Variants in INF2 observed in about 807,000 individuals in gnomAD.
The protein encoded by INF2 is inverted formin 2, also known as inverted formin-2.
In INF2, 43 loss-of-function variants were observed where a neutral mutation model predicts 123.5. The ratio of observed to expected loss-of-function variants is 0.35; its 90% confidence interval spans 0.27 to 0.45. The LOEUF is 0.45. Ranked by LOEUF, INF2 falls within the 20% of genes least tolerant of loss-of-function variation. The pLI is 1.00. For synonymous variants in INF2, 851 were observed against 745.0 expected, an observed-to-expected ratio of 1.14 and a Z score of -2.32; for missense variants, 1,453 against 1,682.7, an observed-to-expected ratio of 0.86 and a Z score of 2.39.
intron 1 of INF2, chr14:104,681,687 C>T (rs1888526576): frequency 7.4e-6 from 7 of 944,710 alleles, no homozygotes; most frequent in South Asian, 7.3e-5. Context: ...GAGGCACAGG[C>T]CCCTGAGGTC....
rs371457852 is a variant in INF2, at chr14:104,715,391, TG to T, written c.*1+55del. The stretch of plus-strand genomic sequence containing the variant: ...GGGGCTAACAGCAGCTGCAGGGCAG[TG>T]GGGCTGGAGCTTGCTGCCCACACCC... On this transcript the variant is annotated intron_variant, in intron 22 of 22. Coordinates refer to ENST00000392634, the MANE Select transcript of INF2 (RefSeq NM_022489.4). 1,467 of 1,532,264 alleles carry T rather than the reference TG, an allele frequency of 9.6e-4. 29 individuals are homozygous for T. In the South Asian group the frequency reaches 0.015, roughly 16 times the overall value. 94.9% of individuals were successfully genotyped at this position (1,532,264 alleles called of 1,614,324 possible).
chr14:104,713,762 T>C (rs1392386365), intron 20 of INF2, among the ~76,000 whole-genome samples, 156 bp downstream of exon 20: 1 of 152,122 alleles, frequency 6.6e-6, no homozygotes, highest in African/African-American at 2.4e-5. Context: ...GGACAGGTGG[T>C]GGCCGCTCAG....
At position 104,718,915 on chromosome 14, in the gene INF2, G is replaced by T. The variant is rs1030978100; in HGVS notation, c.*122G>T. ...ACTGGGCCCCGGAAACCAAAACTCC[G>T]TGCCTTACCCAGCCGGGGCCCTCCT... is the stretch of plus-strand genomic sequence containing the variant. On this transcript the variant is annotated 3_prime_UTR_variant, in exon 23 of 23. Transcript: ENST00000392634. 3 of 1,527,468 alleles carry T rather than the reference G, an allele frequency of 2.0e-6. No homozygotes were observed. The highest frequency in any genetic ancestry group is 2.8e-5 in the African/African-American group (2 of 71,572). 94.6% of individuals were successfully genotyped at this position (1,527,468 alleles called of 1,614,324 possible). A position where few individuals can be genotyped will look rare whatever the true frequency, so the allele number is the denominator to read the frequency against.
intron 1 of INF2, among the ~76,000 whole-genome samples, chr14:104,693,488 A>G (rs1364847389): frequency 6.6e-6 from 1 of 152,162 alleles, no homozygotes; most frequent in East Asian, 1.9e-4. Context: ...CCCAGGGCAC[A>G]GTTGAGGAGG....
rs767711403 is a variant in INF2 at position 104,708,704 on chromosome 14, C to T, written c.1921C>T (p.Leu641Phe). 1.2e-6 allele frequency: 2 copies of T among 1,613,002 alleles called. No homozygotes were observed. The highest frequency in any genetic ancestry group is 1.3e-5 in the African/African-American group (1 of 74,908). ...TFLDAKKSLN[L>F]NIFLKQFKCS... is the part of the protein sequence containing the mutation. The stretch of plus-strand genomic sequence containing the variant: ...CCTCGATGCCAAGAAGAGCCTGAAC[C>T]TCAACATCTTCCTGAAGCAATTTAA... Residue 641 changes from leucine to phenylalanine, a missense_variant, in exon 10 of 23, where the codon CTC becomes TTC. Around this residue, in one of 8 missense-constraint regions of INF2, gnomAD observed 192 missense variants for 274.4 expected, o/e 0.70. Transcript: ENST00000392634.
intron 22 of INF2, chr14:104,715,607 G>A (rs1355503408): frequency 6.7e-6 from 4 of 599,374 alleles, no homozygotes; most frequent in African/African-American, 5.6e-5. Flanking sequence ...CCTCGAGAGG[G>A]CAGGTGGCAG....
chr14:104,708,564 C>CG lies in INF2; in HGVS notation c.1867dup (p.Ala623GlyfsTer27). ...CAAGGAGCCCACCATGGTGGCCCCCCGGGCCAGGAAGGAGCCCAAGGAGGT... is the reference window on the plus strand; with the variant it reads ...CAAGGAGCCCACCATGGTGGCCCCCCGGGGCCAGGAAGGAGCCCAAGGAGGT... On this transcript the variant is annotated frameshift_variant, in exon 9 of 23. Coordinates refer to ENST00000392634, the MANE Select transcript of INF2 (RefSeq NM_022489.4). LOFTEE classifies it high-confidence loss of function. 6.2e-7 allele frequency: 1 copy of CG among 1,612,494 alleles called. No homozygotes were observed. The highest frequency in any genetic ancestry group is 8.5e-7 in the Non-Finnish European group (1 of 1,179,816).
chr14:104,712,450 T>C lies in INF2; in HGVS notation c.2507T>C (p.Ile836Thr), dbSNP rs767351070. The part of the protein sequence containing the change: ...SQAAGINLEI[I>T]RSEASSNLKK... ...CCTTTCAGGATCAACCTGGAGATCA[T>C]CCGCTCAGAGGCCAGCTCCAACCTG... The change falls in exon 17 of 23, where the codon ATC becomes ACC. Residue 836 changes from isoleucine to threonine, a missense_variant. This residue lies in a region of INF2 where 212 missense variants were observed against 266.2 expected (regional missense o/e 0.80). Coordinates refer to ENST00000392634, the MANE Select transcript of INF2 (RefSeq NM_022489.4). The C allele has an allele frequency of 6.6e-5, 106 of 1,612,416 alleles. No homozygotes were observed. In the South Asian group the frequency reaches 1.1e-3, roughly 17 times the overall value.
chr14:104,707,842 C>T lies in INF2; in HGVS notation c.1575C>T (p.Thr525=), dbSNP rs1417311904. The T allele has an allele frequency of 6.2e-7, 1 of 1,603,528 alleles. No homozygotes were observed. The highest frequency in any genetic ancestry group is 8.5e-7 in the Non-Finnish European group (1 of 1,177,506). The part of the protein sequence containing the change: ...PPPPPPLLPC[T]CSPPVAGGME... ...CCCCACCTCCACTACTGCCCTGCAC[C>T]TGCAGCCCCCCCGTGGCGGGAGGCA... The change falls in exon 8 of 23, where the codon ACC becomes ACT. Residue 525 remains threonine (T), a synonymous_variant. Coordinates refer to ENST00000392634, the MANE Select transcript of INF2 (RefSeq NM_022489.4).
In INF2 at chr14:104,701,506, G is replaced by C; in HGVS notation, c.141G>C (p.Val47=). ...LCIRLLQMPS[V]VNYSGLRKRL... ...TCCGGCTGCTCCAGATGCCCTCTGT[G>C]GTCAACTACTCCGGCCTGCGCAAGC... Residue 47 remains valine (V), a synonymous_variant, in exon 2 of 23, where the codon GTG becomes GTC. Coordinates refer to ENST00000392634, the MANE Select transcript of INF2 (RefSeq NM_022489.4). 1 of 1,606,120 alleles carries C rather than the reference G, an allele frequency of 6.2e-7. No individual in the cohort carries two copies. The highest frequency in any genetic ancestry group is 8.5e-7 in the Non-Finnish European group (1 of 1,176,894).
chr14:104,704,436 G>A (rs1267404965), intron 5 of INF2: 2 of 213,836 alleles, frequency 9.4e-6, no homozygotes, highest in African/African-American at 4.5e-5. Flanking sequence ...CTGCGGACCG[G>A]TACCTGGCCT....
In INF2 at chr14:104,684,028, G is replaced by T. The variant is rs1888599288; in HGVS notation, c.-104+2446G>T. 2.2e-6 allele frequency: 1 copy of T among 455,860 alleles called. No individual in the cohort carries two copies. The highest frequency in any genetic ancestry group is 2.0e-5 in the African/African-American group (1 of 50,068). The allele number at this position is 455,860 out of a possible 1,614,324, so 28.2% of individuals were successfully genotyped here. A position where few individuals can be genotyped will look rare whatever the true frequency, so the allele number is the denominator to read the frequency against. Reference sequence around the variant, plus strand: ...CCAGCTCCTCAAATTCCCAACACCAGGGTTGCAAGGCCCAGTGTCTTCTCA... The same window carrying T: ...CCAGCTCCTCAAATTCCCAACACCATGGTTGCAAGGCCCAGTGTCTTCTCA... On this transcript the variant is annotated intron_variant, in intron 1 of 2. Transcript: ENST00000674723. This position sits in a 1 kb window ranked among gnomAD's most constrained non-coding sequence, Gnocchi z 5.0.
intron 1 of INF2, among the ~76,000 whole-genome samples, chr14:104,697,891 G>C (rs1889265606): frequency 1.3e-5 from 2 of 152,248 alleles, no homozygotes; most frequent in Non-Finnish European, 2.9e-5. Flanking sequence ...GACTGCCGGG[G>C]GGGGTGGATG....
chr14:104,707,767 GCCC>G lies in INF2; in HGVS notation c.1503_1505del (p.Pro505del). 1 of 615,070 alleles carries G rather than the reference GCCC, an allele frequency of 1.6e-6. No individual in the cohort carries two copies. Among genetic ancestry groups the G allele is most frequent in the Non-Finnish European group, 2.5e-6 (1 of 404,914 alleles). 38.1% of individuals were successfully genotyped at this position (615,070 alleles called of 1,614,324 possible). A position where few individuals can be genotyped will look rare whatever the true frequency, so the allele number is the denominator to read the frequency against. Reference sequence around the variant, plus strand: ...CACCACTCCCGGGCTTGGGATGCCCGCCCCCACCCCCACCCCTGCTGCCTGGTA... The same window carrying G: ...CACCACTCCCGGGCTTGGGATGCCCGCCACCCCCACCCCTGCTGCCTGGTA... On this transcript the variant is annotated inframe_deletion, in exon 8 of 23. Transcript: ENST00000392634.
At chr14:104,686,064 T>G (rs2140577011), upstream of INF2, among the ~76,000 whole-genome samples, 1 of 135,062 alleles carries the variant, frequency 7.4e-6, no homozygotes, top group Admixed American at 7.4e-5. Flanking sequence ...GGCAGATGGA[T>G]GGATGAGGGT....
intron 5 of INF2, chr14:104,704,181 G>A: frequency 7.0e-7 from 1 of 1,437,170 alleles, no homozygotes; most frequent in Non-Finnish European, 9.1e-7. Flanking sequence ...GCCATAGAAA[G>A]GACAGAATGA....
chr14:104,722,203 A>T lies in INF2; in HGVS notation c.*3410A>T, dbSNP rs1331718510. 6.6e-6 allele frequency: 1 copy of T among 152,168 alleles called. No homozygotes were observed. The highest frequency in any genetic ancestry group is 1.5e-5 in the Non-Finnish European group (1 of 68,046). The allele number at this position is 152,168 out of a possible 1,614,324, so 9.4% of individuals were successfully genotyped here. ...GCCCCAGCTGTTGGGCCTGGGCAGG[A>T]CTGTTTTTAGAAAAGCCCCAACTCC... is the stretch of plus-strand genomic sequence containing the variant. On this transcript the variant is annotated 3_prime_UTR_variant, in exon 23 of 23. Transcript: ENST00000392634.
chr14:104,717,376 C>T (rs547194935), intron 22 of INF2, among the ~76,000 whole-genome samples: 5 of 152,276 alleles, frequency 3.3e-5, no homozygotes, highest in Admixed American at 6.5e-5. Context: ...CCAGTCCCCC[C>T]CGGGCAGGGT....
intron 1 of INF2, chr14:104,700,786 A>G: frequency 1.0e-6 from 1 of 967,052 alleles, no homozygotes; most frequent in Non-Finnish European, 1.2e-6. Context: ...GGGCAGACTG[A>G]GGCCCAGGGG....
Sources: gnomAD v4.1 joint callset for allele counts (sites outside exome capture counted in the v4.1 genomes callset) on GRCh38, gnomAD v4.1.1 for gene constraint, gnomAD v4.1.1 regional missense constraint, Gnocchi (gnomAD v3.1) non-coding constraint, MANE v1.5 for transcripts, NCBI Gene and HGNC (gene_info 2026-07-23, HGNC 2026-07-21) for gene names.